POU2F1: variants seen among roughly 807,000 people sequenced by gnomAD.
POU2F1 encodes POU domain, class 2, transcription factor 1.
POU2F1 carries 16 observed loss-of-function variants against 84.9 expected under a neutral mutation model. The observed-to-expected ratio is 0.19, with a 90% CI of 0.13 to 0.29. The LOEUF is 0.29. Among genes scored for constraint, POU2F1 ranks in the 10% least tolerant of loss-of-function variants. POU2F1 has a pLI of 1.00. For missense variants in POU2F1, 738 were observed against 942.6 expected (o/e 0.78, Z 2.84); for synonymous variants, 368 against 368.3 (o/e 1.00, Z 0.01).
chr1:167,383,910 A>G lies in POU2F1; in HGVS notation c.772A>G (p.Asn258Asp), dbSNP rs1647757983. 1 of 1,613,864 alleles carries G rather than the reference A, an allele frequency of 6.2e-7. No individual in the cohort carries two copies. The highest frequency in any genetic ancestry group is 8.5e-7 in the Non-Finnish European group (1 of 1,179,864). ...LTQLPQQSQANLLQSQPSITL... is the reference protein window; with the variant it reads ...LTQLPQQSQADLLQSQPSITL... The stretch of plus-strand genomic sequence containing the variant: ...GCAACTACCTCAGCAAAGCCAAGCC[A>G]ACCTCCTACAGTCGCAGCCAAGCAT... Residue 258 changes from asparagine to aspartate, a missense_variant, in exon 8 of 16, where the codon AAC becomes GAC. Around this residue, in one of 4 missense-constraint regions of POU2F1, gnomAD observed 163 missense variants for 214.4 expected, o/e 0.76. Transcript: ENST00000367866.
At chr1:167,303,412 A>C (rs1389480628) in intron 1 of POU2F1, 1 of 154,186 alleles carries the variant, frequency 6.5e-6, no homozygotes, top group African/African-American at 2.4e-5. Flanking sequence ...TTCTCTCTTT[A>C]AGTGTTAGGT....
chr1:167,383,773 G>C (rs1264318205), intron 7 of POU2F1, 84 bp from the exon 8 acceptor site: 1 of 1,230,386 alleles, frequency 8.1e-7, no homozygotes, highest in South Asian at 1.4e-5. Context: ...GAAATTTTCA[G>C]CTCATTTTCT....
intron 1 of POU2F1, among the ~76,000 whole-genome samples, chr1:167,245,795 A>G (rs1172658084): frequency 1.3e-5 from 2 of 152,168 alleles, no homozygotes; most frequent in African/African-American, 4.8e-5. Flanking sequence ...GGGCTTAAGC[A>G]GTCCTCTTGC....
intron 2 of POU2F1, among the ~76,000 whole-genome samples, chr1:167,333,806 C>G (rs1438015608): frequency 6.6e-6 from 1 of 152,140 alleles, no homozygotes; most frequent in Non-Finnish European, 1.5e-5. Context: ...ACTTCTCTGT[C>G]CCCTGTTTGG....
intron 1 of POU2F1, among the ~76,000 whole-genome samples, chr1:167,232,556 C>T (rs1441028966): frequency 6.6e-6 from 1 of 152,162 alleles, no homozygotes; most frequent in East Asian, 1.9e-4. Flanking sequence ...TATAAAGTTA[C>T]AGTAGGCCCA....
chr1:167,267,833 G>A (rs112682179), intron 1 of POU2F1, among the ~76,000 whole-genome samples: 2,529 of 151,744 alleles, frequency 0.017, 36 homozygotes, highest in Middle Eastern at 0.048. Context: ...AGTAGAGATG[G>A]GTTTTACTGT....
At chr1:167,254,280 A>T (rs575529400) in intron 1 of POU2F1, among the ~76,000 whole-genome samples, 1 of 152,288 alleles carries the variant, frequency 6.6e-6, no homozygotes, top group African/African-American at 2.4e-5. Context: ...AATTCTATTT[A>T]ATGTAGGTTC....
intron 1 of POU2F1, among the ~76,000 whole-genome samples, chr1:167,299,196 A>G (rs1456446591): frequency 6.6e-6 from 1 of 151,860 alleles, no homozygotes; most frequent in Non-Finnish European, 1.5e-5. Context: ...AATTATGGAA[A>G]GAAAAGAAAT....
intron 1 of POU2F1, among the ~76,000 whole-genome samples, chr1:167,318,856 G>A (rs1362137175): frequency 1.3e-5 from 2 of 152,134 alleles, no homozygotes; most frequent in Non-Finnish European, 2.9e-5. Flanking sequence ...CAAGTTACAG[G>A]CCATAGAAGT....
intron 2 of POU2F1, among the ~76,000 whole-genome samples, chr1:167,363,169 A>G (rs1435561350): frequency 6.6e-6 from 1 of 152,164 alleles, no homozygotes; most frequent in Admixed American, 6.5e-5. Flanking sequence ...AAGCTTTGAT[A>G]GCATTTTTAT....
chr1:167,340,103 G>T (rs1025122570), intron 2 of POU2F1, among the ~76,000 whole-genome samples: 1 of 152,138 alleles, frequency 6.6e-6, no homozygotes, highest in Non-Finnish European at 1.5e-5. Flanking sequence ...TTTTAAGATG[G>T]AATTTCACTG....
intron 1 of POU2F1, among the ~76,000 whole-genome samples, chr1:167,277,566 C>T (rs1320292695): frequency 6.6e-6 from 1 of 151,946 alleles, no homozygotes; most frequent in Non-Finnish European, 1.5e-5. Context: ...CTACCTCAGC[C>T]TTCCAAAGCC....
intron 1 of POU2F1, among the ~76,000 whole-genome samples, chr1:167,272,231 T>A (rs139575528): frequency 5.3e-5 from 8 of 152,224 alleles, no homozygotes; most frequent in African/African-American, 1.9e-4. Flanking sequence ...TATATTTGCT[T>A]ATCAGGAATA....
chr1:167,370,073 G>T (rs2101841463), intron 3 of POU2F1, 88 bp from the exon 4 acceptor site: 1 of 1,112,144 alleles, frequency 9.0e-7, no homozygotes, highest in South Asian at 1.8e-5. Context: ...CTAGCTCGGT[G>T]ACACATAGTA....
At chr1:167,386,601 A>G (rs533159628) in intron 8 of POU2F1, among the ~76,000 whole-genome samples, 81 of 152,312 alleles carry the variant, frequency 5.3e-4, no homozygotes, top group African/African-American at 1.8e-3. Context: ...TAGCAGCTTT[A>G]TTCACCTCAA....
intron 2 of POU2F1, among the ~76,000 whole-genome samples, chr1:167,344,541 C>A (rs1267948770): frequency 6.6e-6 from 1 of 152,176 alleles, no homozygotes; most frequent in Non-Finnish European, 1.5e-5. Context: ...TGAAATCAAA[C>A]CCCATGGATT....
At chr1:167,372,103 G>T in intron 5 of POU2F1, 67 bp downstream of exon 5, 1 of 1,548,038 alleles carries the variant, frequency 6.5e-7, no homozygotes, top group South Asian at 1.2e-5. Context: ...GCCAATAGCT[G>T]ATTAGAATTG....
chr1:167,283,257 C>G (rs1477496488), intron 1 of POU2F1, among the ~76,000 whole-genome samples: 1 of 151,768 alleles, frequency 6.6e-6, no homozygotes, highest in Non-Finnish European at 1.5e-5. Flanking sequence ...TTGTGAGACC[C>G]CTTTTTACAT....
chr1:167,410,457 T>C (rs1295983878), intron 13 of POU2F1, among the ~76,000 whole-genome samples: 2 of 152,166 alleles, frequency 1.3e-5, no homozygotes, highest in Non-Finnish European at 2.9e-5. Context: ...AAGATTGTTA[T>C]GAAAGAAGAG....
Sources: allele counts gnomAD v4.1 joint callset (sites outside exome capture counted in the v4.1 genomes callset), GRCh38; gene constraint gnomAD v4.1.1; regional missense constraint gnomAD v4.1.1; transcripts MANE v1.5; gene names NCBI Gene and HGNC (gene_info 2026-07-23, HGNC 2026-07-21).